RABGAP1L: variants seen among roughly 807,000 people sequenced by gnomAD.
RABGAP1L encodes rab GTPase-activating protein 1-like.
In RABGAP1L, 63 loss-of-function variants were observed where a neutral mutation model predicts 137.7. That is an observed-to-expected ratio of 0.46 (90% CI 0.37 to 0.56). RABGAP1L has a LOEUF of 0.56. RABGAP1L is among the 20% of genes least tolerant of loss of function. The pLI is 0.00. For missense variants in RABGAP1L, 1,095 were observed against 1,244.0 expected (o/e 0.88, Z 1.80); for synonymous variants, 431 against 433.7 (o/e 0.99, Z 0.08).
chr1:174,311,257 T>A (rs764353595), intron 11 of RABGAP1L, among the ~76,000 whole-genome samples: 1 of 150,560 alleles, frequency 6.6e-6, no homozygotes, highest in Non-Finnish European at 1.5e-5. Flanking sequence ...GGAGAGAGAG[T>A]GAGAGAGAGA....
At chr1:174,597,147 A>T (rs984579516) in intron 13 of RABGAP1L, among the ~76,000 whole-genome samples, 1 of 152,116 alleles carries the variant, frequency 6.6e-6, no homozygotes, top group South Asian at 2.1e-4. Flanking sequence ...TTTTGTATCA[A>T]TGTTCGTCAG....
intron 14 of RABGAP1L, among the ~76,000 whole-genome samples, chr1:174,657,457 C>T (rs1360568585): frequency 2.6e-5 from 4 of 152,122 alleles, no homozygotes; most frequent in African/African-American, 9.7e-5. Flanking sequence ...TCTATGAGAT[C>T]AACTTTTTTA....
chr1:174,160,787 A>G (rs1664377080), intron 1 of RABGAP1L, among the ~76,000 whole-genome samples: 1 of 152,164 alleles, frequency 6.6e-6, no homozygotes, highest in South Asian at 2.1e-4. Flanking sequence ...CTTTTCTTAC[A>G]GTAGTGTTTA....
intron 19 of RABGAP1L, among the ~76,000 whole-genome samples, chr1:174,895,572 C>T (rs1236615120): frequency 6.6e-6 from 1 of 152,052 alleles, no homozygotes; most frequent in Non-Finnish European, 1.5e-5. Flanking sequence ...AGGTATATCT[C>T]CTAATGCTAT....
intron 18 of RABGAP1L, among the ~76,000 whole-genome samples, chr1:174,772,824 G>A (rs1176941044): frequency 6.6e-6 from 1 of 151,912 alleles, no homozygotes; most frequent in East Asian, 1.9e-4. Context: ...TCATGTAAGT[G>A]GAATTATATC....
chr1:174,551,037 C>CAT (rs565286158), intron 13 of RABGAP1L, among the ~76,000 whole-genome samples: 11 of 116,676 alleles, frequency 9.4e-5, no homozygotes, highest in East Asian at 4.2e-4. Context: ...CACACACACA[C>CAT]ATATATATAT....
At chr1:174,617,977 G>A (rs1485612382) in intron 13 of RABGAP1L, among the ~76,000 whole-genome samples, 1 of 152,190 alleles carries the variant, frequency 6.6e-6, no homozygotes, top group Non-Finnish European at 1.5e-5. Context: ...CTTAGCAAAT[G>A]GCACACCTTT....
At chr1:174,719,039 A>C (rs1195608280) in intron 17 of RABGAP1L, among the ~76,000 whole-genome samples, 1 of 151,764 alleles carries the variant, frequency 6.6e-6, no homozygotes, top group Non-Finnish European at 1.5e-5. Flanking sequence ...GGGTTTCTCC[A>C]TGTTGGTCAG....
At position 174,632,879 on chromosome 1, in the gene RABGAP1L, T is replaced by A. The variant is rs913957106; in HGVS notation, c.1711-4496T>A. ...CAGAGTAATTTGATCGTCTGAAGCC[T>A]TCTTCTCTCAGCTCGTCAAAATCAT... On this transcript the variant is annotated intron_variant, in intron 13 of 25. Coordinates refer to ENST00000681986, the MANE Select transcript of RABGAP1L (RefSeq NM_001366446.1). Among the ~76,000 whole-genome samples the A allele has an allele frequency of 1.2e-3, 186 of 151,776 alleles. 1 individual carries two copies. The highest frequency in any genetic ancestry group is 4.2e-3 in the African/African-American group (174 of 41,292).
intron 19 of RABGAP1L, 126 bp downstream of exon 19, chr1:174,812,086 T>C (rs928172916): frequency 5.7e-6 from 5 of 884,516 alleles, no homozygotes; most frequent in African/African-American, 3.5e-5. Flanking sequence ...GTGTATGAAC[T>C]GATTTCTCCC....
At chr1:174,839,517 A>G (rs1485611363) in intron 19 of RABGAP1L, among the ~76,000 whole-genome samples, 4 of 152,222 alleles carry the variant, frequency 2.6e-5, no homozygotes, top group African/African-American at 9.6e-5. Context: ...TTGACCTTGA[A>G]TAGGAAAAAG....
intron 14 of RABGAP1L, among the ~76,000 whole-genome samples, chr1:174,651,660 C>G (rs901375493): frequency 7.9e-5 from 12 of 152,092 alleles, no homozygotes; most frequent in Admixed American, 5.2e-4. Context: ...ATTGCAACCC[C>G]TGCCTTTTTT....
chr1:174,773,624 G>A (rs781628636), intron 18 of RABGAP1L, among the ~76,000 whole-genome samples: 12 of 152,162 alleles, frequency 7.9e-5, no homozygotes, highest in Non-Finnish European at 1.6e-4. Context: ...CAGAGCCAGA[G>A]CAACCAAGAG....
chr1:174,653,137 C>T (rs1675678849), intron 14 of RABGAP1L, among the ~76,000 whole-genome samples: 1 of 152,118 alleles, frequency 6.6e-6, no homozygotes. Context: ...TAATGGTGGA[C>T]GCCCCTCCCC....
intron 7 of RABGAP1L, among the ~76,000 whole-genome samples, chr1:174,259,960 G>C (rs1336820656): frequency 6.6e-6 from 1 of 151,692 alleles, no homozygotes; most frequent in Non-Finnish European, 1.5e-5. Context: ...TCAGCCTCCT[G>C]AGTAGCTGGG....
intron 19 of RABGAP1L, among the ~76,000 whole-genome samples, chr1:174,941,731 C>T (rs186884249): frequency 5.9e-5 from 9 of 152,190 alleles, no homozygotes; most frequent in Non-Finnish European, 1.3e-4. Context: ...CCTGACACTT[C>T]GGAATGGTCA....
intron 11 of RABGAP1L, among the ~76,000 whole-genome samples, chr1:174,350,004 T>G (rs1412250647): frequency 1.1e-5 from 1 of 87,054 alleles, no homozygotes; most frequent in Non-Finnish European, 2.3e-5. Flanking sequence ...CTGGCCGGGC[T>G]GAGGGGCTCC....
At chr1:174,182,685 C>T (rs959981292) in intron 1 of RABGAP1L, among the ~76,000 whole-genome samples, 1 of 152,194 alleles carries the variant, frequency 6.6e-6, no homozygotes, top group Non-Finnish European at 1.5e-5. Context: ...GAAGGTCCTG[C>T]CTCCCATCCT....
At chr1:174,461,973 A>G (rs967953477) in intron 13 of RABGAP1L, among the ~76,000 whole-genome samples, 2 of 152,048 alleles carry the variant, frequency 1.3e-5, no homozygotes, top group African/African-American at 4.8e-5. Context: ...GCTTATTCCC[A>G]TTGTGATTAT....
Sources: gnomAD v4.1 joint callset for allele counts (sites outside exome capture counted in the v4.1 genomes callset) on GRCh38, gnomAD v4.1.1 for gene constraint, MANE v1.5 for transcripts, NCBI Gene and HGNC (gene_info 2026-07-23, HGNC 2026-07-21) for gene names.